Variants in MYCBP2 observed in about 807,000 individuals in gnomAD.
The protein encoded by MYCBP2 is MYC binding protein 2.
MYCBP2 carries 120 observed loss-of-function variants against 525.3 expected under a neutral mutation model. The observed-to-expected ratio is 0.23, with a 90% CI of 0.20 to 0.27. The LOEUF (loss-of-function observed/expected upper bound fraction) is 0.27. Among genes scored for constraint, MYCBP2 ranks in the 10% least tolerant of loss-of-function variants. The pLI is 1.00. For missense variants in MYCBP2, 4,149 were observed against 5,657.1 expected (o/e 0.73, Z 8.55); for synonymous variants, 1,894 against 1,955.8 (o/e 0.97, Z 0.83).
chr13:77,063,792 G>C (rs182328850), intron 73 of MYCBP2, among the ~76,000 whole-genome samples: 35 of 152,242 alleles, frequency 2.3e-4, no homozygotes, highest in Non-Finnish European at 8.8e-5. Flanking sequence ...ATGCATGCAA[G>C]GAGGAAGGGG....
At position 77,095,576 on chromosome 13, in the gene MYCBP2, C is replaced by T. The variant is rs2046112619; in HGVS notation, c.9981G>A (p.Met3327Ile). The part of the protein sequence containing the change: ...EKVKQSRRKP[M>I]QVKTPRALPT... ...GCAAGGCACGAGGGGTCTTGACTTG[C>T]ATTGGTTTTCTCCTAGATTGTTTGA... Residue 3327 changes from methionine to isoleucine, a missense_variant, in exon 58 of 83, where the codon ATG becomes ATA. Coordinates refer to ENST00000544440, the MANE Select transcript of MYCBP2 (RefSeq NM_015057.5). The T allele has an allele frequency of 6.2e-7, 1 of 1,613,276 alleles. No homozygotes were observed. The highest frequency in any genetic ancestry group is 1.3e-5 in the African/African-American group (1 of 74,830).
rs56408804 is a variant in MYCBP2 at position 77,266,746 on chromosome 13, G to GAAAAAA, written c.1357+1089_1357+1094dup. ...AAAGACATGGTCCAGGACTTGTAAT[G>GAAAAAA]AAAAAAAAAAAAAAAAAAAAAACCC... On this transcript the variant is annotated intron_variant, in intron 8 of 82. Transcript: ENST00000544440. Among the ~76,000 whole-genome samples, 153 of 89,406 alleles carry GAAAAAA rather than the reference G, an allele frequency of 1.7e-3. 3 individuals are homozygous for GAAAAAA. The highest frequency in any genetic ancestry group is 7.1e-3 in the Middle Eastern group (1 of 140). 58.7% of individuals were successfully genotyped at this position (89,406 alleles called of 152,430 possible).
rs1234610154 is a variant in MYCBP2, at chr13:77,217,866, G to C, written c.3031C>G (p.Gln1011Glu). ...GAAAAACTTCCAAATGTGAAGACCT[G>C]TCCATCCATTAAAAGTACTGCCGTA... Reference protein sequence around the residue: ...NHTAVLLMDGQVFTFGSFSKG... With the variant: ...NHTAVLLMDGEVFTFGSFSKG... The change falls in exon 21 of 83, where the codon CAG becomes GAG. Residue 1011 changes from glutamine (Q) to glutamate (E), a missense_variant. Transcript: ENST00000544440. The C allele has an allele frequency of 6.2e-7, 1 of 1,608,552 alleles. No individual in the cohort carries two copies. Among genetic ancestry groups the C allele is most frequent in the Admixed American group, 1.7e-5 (1 of 59,282 alleles).
chr13:77,215,861 A>G (rs1400316012), intron 21 of MYCBP2, among the ~76,000 whole-genome samples: 1 of 152,160 alleles, frequency 6.6e-6, no homozygotes, highest in South Asian at 2.1e-4. Flanking sequence ...GATTATAGGT[A>G]TGAGCCACCA....
chr13:77,168,004 C>A (rs1027633349), intron 40 of MYCBP2, among the ~76,000 whole-genome samples: 14 of 152,266 alleles, frequency 9.2e-5, no homozygotes, highest in African/African-American at 2.9e-4. Flanking sequence ...ACATTTTATA[C>A]ATAGTTTTTT....
At chr13:77,157,351 G>A (rs1282334146) in intron 45 of MYCBP2, among the ~76,000 whole-genome samples, 1 of 152,144 alleles carries the variant, frequency 6.6e-6, no homozygotes, top group Non-Finnish European at 1.5e-5. Context: ...CAGCCTCCAA[G>A]TAGCTGGGAC....
intron 81 of MYCBP2, 56 bp downstream of exon 81, chr13:77,051,755 A>C: frequency 7.6e-7 from 1 of 1,311,504 alleles, no homozygotes; most frequent in South Asian, 1.3e-5. Flanking sequence ...ATTGTTTAAA[A>C]AATAATACTA....
At chr13:77,191,656 G>C in intron 28 of MYCBP2, 23 bp downstream of exon 28, 1 of 1,607,282 alleles carries the variant, frequency 6.2e-7, no homozygotes, top group Non-Finnish European at 8.5e-7. Context: ...TATTGCTTAA[G>C]TAACACTTGG....
In MYCBP2 at chr13:77,270,543, T is replaced by C. The variant is rs770978826; in HGVS notation, c.946-5A>G. On this transcript the variant is annotated splice_region_variant and splice_polypyrimidine_tract_variant and intron_variant, in intron 5 of 82. Coordinates refer to ENST00000544440, the MANE Select transcript of MYCBP2 (RefSeq NM_015057.5). ...CGAATTTAGAATTGTTGGCACCTAA[T>C]CAAAAGAGAAGAAAAATAATGAAAA... is the stretch of plus-strand genomic sequence containing the variant. The C allele has an allele frequency of 9.5e-6, 15 of 1,582,802 alleles. No individual in the cohort carries two copies. Among genetic ancestry groups the C allele is most frequent in the Non-Finnish European group, 1.3e-5 (15 of 1,165,050 alleles).
chr13:77,077,059 T>A (rs987956729), intron 67 of MYCBP2, 89 bp downstream of exon 67: 2 of 1,506,338 alleles, frequency 1.3e-6, no homozygotes, highest in East Asian at 2.3e-5. Context: ...CAGAAATTTC[T>A]GTAATAAGTT....
intron 5 of MYCBP2, 137 bp from the exon 6 acceptor site, chr13:77,270,675 T>C: frequency 1.1e-6 from 1 of 930,490 alleles, no homozygotes; most frequent in Non-Finnish European, 1.5e-6. Context: ...CAGCAAAAAG[T>C]ACCAACTAAA....
chr13:77,295,926 C>A (rs759855221), intron 2 of MYCBP2, among the ~76,000 whole-genome samples: 5 of 152,102 alleles, frequency 3.3e-5, no homozygotes, highest in Non-Finnish European at 5.9e-5. Flanking sequence ...TAATTCCTGT[C>A]AAGAAAGGCA....
chr13:77,152,599 G>A (rs943826858), intron 46 of MYCBP2, among the ~76,000 whole-genome samples: 3 of 152,110 alleles, frequency 2.0e-5, no homozygotes, highest in Admixed American at 6.5e-5. Context: ...GACAAGTGGC[G>A]AATACCAAGA....
chr13:77,094,930 A>G (rs1018674691), intron 58 of MYCBP2, among the ~76,000 whole-genome samples: 3 of 152,138 alleles, frequency 2.0e-5, no homozygotes, highest in African/African-American at 7.2e-5. Context: ...TGTTATATTC[A>G]TACATTCAGG....
intron 17 of MYCBP2, among the ~76,000 whole-genome samples, chr13:77,238,784 A>G (rs1294882215): frequency 1.3e-5 from 2 of 152,224 alleles, no homozygotes; most frequent in Non-Finnish European, 2.9e-5. Context: ...ATAAAACAGT[A>G]ACTAAATTAC....
chr13:77,184,848 C>T (rs1191475416), intron 32 of MYCBP2, among the ~76,000 whole-genome samples: 1 of 152,172 alleles, frequency 6.6e-6, no homozygotes, highest in African/African-American at 2.4e-5. Context: ...TCCTCTCTCC[C>T]TCTCTCAGAA....
intron 47 of MYCBP2, among the ~76,000 whole-genome samples, chr13:77,147,281 T>C (rs1279038320): frequency 6.6e-6 from 1 of 152,078 alleles, no homozygotes; most frequent in East Asian, 1.9e-4. Context: ...GTAATGGGTC[T>C]GAGGAAGGGT....
chr13:77,175,699 G>A (rs1225879003), intron 36 of MYCBP2, among the ~76,000 whole-genome samples: 4 of 151,998 alleles, frequency 2.6e-5, no homozygotes, highest in South Asian at 2.1e-4. Flanking sequence ...GGTGGCTCAC[G>A]CTTGTAATCC....
At chr13:77,324,246 C>A (rs1489219775) in intron 1 of MYCBP2, among the ~76,000 whole-genome samples, 1 of 152,204 alleles carries the variant, frequency 6.6e-6, no homozygotes, top group Admixed American at 6.5e-5. Flanking sequence ...GCTACTGTTT[C>A]ATGATTTTCT....
Sources: gnomAD v4.1 joint callset for allele counts (sites outside exome capture counted in the v4.1 genomes callset) on GRCh38, gnomAD v4.1.1 for gene constraint, MANE v1.5 for transcripts, NCBI Gene and HGNC (gene_info 2026-07-23, HGNC 2026-07-21) for gene names.